The following FRZB variants were observed in gnomAD, a reference collection of about 807,000 sequenced individuals.
The protein encoded by FRZB is secreted frizzled-related protein 3.
In FRZB, 34 loss-of-function variants were observed where a neutral mutation model predicts 32.5. That is an observed-to-expected ratio of 1.05 (90% confidence interval 0.80 to 1.39). FRZB has a LOEUF of 1.39. Among genes scored for constraint, FRZB ranks in the 40% most tolerant of loss-of-function variants. FRZB has a pLI of 0.00. For synonymous variants in FRZB, 170 were observed against 159.2 expected (o/e 1.07, Z -0.51); for missense variants, 423 against 424.8 (o/e 1.00, Z 0.04).
intron 2 of FRZB, among the ~76,000 whole-genome samples, chr2:182,846,265 G>A (rs1211743848): frequency 1.3e-5 from 2 of 152,184 alleles, no homozygotes; most frequent in Non-Finnish European, 1.5e-5. Context: ...AAGCTTAAGT[G>A]TGATAAAACT....
rs201046936 is a variant in FRZB, at chr2:182,842,496, G to A, written c.574C>T (p.Arg192Trp). 79 of 1,612,342 alleles carry A rather than the reference G, an allele frequency of 4.9e-5. No homozygotes were observed. Among genetic ancestry groups the A allele is most frequent in the South Asian group, 1.2e-4 (11 of 90,974 alleles). ...TCCTTACCATAGTTGTAATTGTTCC[G>A]GAAATAGGTCTTCTGTGTAGCTCTA... ...PIRATQKTYFRNNYNYVIRAK... is the reference protein window; with the variant it reads ...PIRATQKTYFWNNYNYVIRAK... The change falls in exon 3 of 6, where the codon CGG becomes TGG. Residue 192 changes from arginine to tryptophan, a missense_variant. Coordinates refer to ENST00000295113, the MANE Select transcript of FRZB (RefSeq NM_001463.4).
In FRZB at chr2:182,846,768, G is replaced by A. The variant is rs552845495; in HGVS notation, c.527-4225C>T. 7.2e-4 allele frequency among the ~76,000 whole-genome samples: 110 copies of A among 152,164 alleles called. 1 individual carries two copies. The highest frequency in any genetic ancestry group is 2.2e-3 in the Admixed American group (33 of 15,284). ...GGTCCTTAACTATGACTTTTTTACT[G>A]AGCTCTAGATCTATATTTCCAACTG... On this transcript the variant is annotated intron_variant, in intron 2 of 5. Transcript: ENST00000295113.
chr2:182,837,800 G>A (rs1389769083), intron 5 of FRZB, 148 bp downstream of exon 5: 5 of 615,338 alleles, frequency 8.1e-6, no homozygotes, highest in Non-Finnish European at 1.1e-5. Context: ...GACAAATTCA[G>A]CTCTTGGAGT....
intron 1 of FRZB, among the ~76,000 whole-genome samples, chr2:182,864,137 A>G (rs547509018): frequency 4.4e-4 from 67 of 152,348 alleles, no homozygotes; most frequent in Admixed American, 2.0e-3. Context: ...CAATGAGGCA[A>G]CTGTTTCCAT....
At chr2:182,846,505 A>G (rs1054785378) in intron 2 of FRZB, among the ~76,000 whole-genome samples, 7 of 152,182 alleles carry the variant, frequency 4.6e-5, no homozygotes, top group Admixed American at 2.6e-4. Flanking sequence ...GGAGAGAAGA[A>G]AATACAATTG....
At chr2:182,863,022 G>A (rs1465998307) in intron 1 of FRZB, among the ~76,000 whole-genome samples, 2 of 152,034 alleles carry the variant, frequency 1.3e-5, no homozygotes, top group South Asian at 2.1e-4. Flanking sequence ...CACCCGCCTC[G>A]GCCTTCCAAA....
intron 2 of FRZB, among the ~76,000 whole-genome samples, chr2:182,848,801 G>T (rs1212009795): frequency 6.6e-6 from 1 of 152,190 alleles, no homozygotes. Flanking sequence ...TGCCAAAGCA[G>T]CCAGTCCCAA....
intron 2 of FRZB, among the ~76,000 whole-genome samples, chr2:182,855,357 T>C (rs1205949265): frequency 6.6e-6 from 1 of 152,174 alleles, no homozygotes; most frequent in Non-Finnish European, 1.5e-5. Flanking sequence ...CAGATGACTT[T>C]ACGGTAGCTA....
At chr2:182,843,760 C>T (rs971179794) in intron 2 of FRZB, among the ~76,000 whole-genome samples, 1 of 152,026 alleles carries the variant, frequency 6.6e-6, no homozygotes. Context: ...GGCAAAACCC[C>T]GTCTCTACAA....
intron 2 of FRZB, among the ~76,000 whole-genome samples, chr2:182,846,003 G>A (rs573478597): frequency 4.6e-5 from 7 of 152,304 alleles, no homozygotes; most frequent in Non-Finnish European, 8.8e-5. Context: ...CGCAGTGCCC[G>A]AGCAGTGAAC....
chr2:182,838,363 T>C (rs754475317), intron 4 of FRZB, 46 bp downstream of exon 4: 1 of 1,468,934 alleles, frequency 6.8e-7, no homozygotes, highest in African/African-American at 1.4e-5. Context: ...TTAATGAGAG[T>C]AGGATAAGCA....
chr2:182,853,208 C>T (rs1017550200), intron 2 of FRZB, among the ~76,000 whole-genome samples: 15 of 152,138 alleles, frequency 9.9e-5, no homozygotes, highest in Non-Finnish European at 1.9e-4. Flanking sequence ...TTTTAAAAGA[C>T]GAACAGTAAA....
rs1352352458 is a variant in FRZB at position 182,838,428 on chromosome 2, C to A, written c.778G>T (p.Glu260Ter). 2 of 1,612,014 alleles carry A rather than the reference C, an allele frequency of 1.2e-6. No homozygotes were observed. The highest frequency in any genetic ancestry group is 1.3e-5 in the African/African-American group (1 of 74,944). The change falls in exon 4 of 6, where the codon GAA becomes TAA. Residue 260 changes from glutamate to a stop codon, truncating the protein, a stop_gained. Transcript: ENST00000295113. LOFTEE classifies it high-confidence loss of function. The stretch of plus-strand genomic sequence containing the variant: ...AATTACCTGGAACGTTCCTCATCTT[C>A]ATAGCCCATGATGATATATTCCTCA... ...VNEEYIIMGY[E>*]DEERSRLLLV... is the part of the protein sequence containing the mutation.
intron 3 of FRZB, among the ~76,000 whole-genome samples, chr2:182,839,189 G>A (rs768665758): frequency 1.3e-5 from 2 of 151,828 alleles, no homozygotes; most frequent in Non-Finnish European, 2.9e-5. Context: ...CCTCATCTTG[G>A]CTCACTGTTC....
intron 2 of FRZB, among the ~76,000 whole-genome samples, chr2:182,842,922 G>T (rs1695601582): frequency 1.3e-5 from 2 of 152,136 alleles, no homozygotes; most frequent in Non-Finnish European, 2.9e-5. Flanking sequence ...TGCTCAGGTA[G>T]CTGGTTTGCC....
chr2:182,855,789 G>A (rs1695761572), intron 2 of FRZB, among the ~76,000 whole-genome samples: 1 of 151,964 alleles, frequency 6.6e-6, no homozygotes, highest in African/African-American at 2.4e-5. Flanking sequence ...GATTCAAGAA[G>A]CTCAGATAAC....
chr2:182,858,197 C>A (rs1695791533), intron 2 of FRZB, among the ~76,000 whole-genome samples: 1 of 152,164 alleles, frequency 6.6e-6, no homozygotes, highest in Admixed American at 6.5e-5. Context: ...AAAACCTGTA[C>A]TGGAATGTTT....
intron 5 of FRZB, among the ~76,000 whole-genome samples, chr2:182,836,212 T>G (rs1384758474): frequency 6.6e-6 from 1 of 151,916 alleles, no homozygotes; most frequent in Non-Finnish European, 1.5e-5. Flanking sequence ...CATAATAATG[T>G]TTCTTATAAA....
chr2:182,853,894 A>C (rs1559049959), intron 2 of FRZB, among the ~76,000 whole-genome samples: 1 of 152,222 alleles, frequency 6.6e-6, no homozygotes, highest in Non-Finnish European at 1.5e-5. Flanking sequence ...AGTCATTGTA[A>C]CAAAAACTGA....
Sources: gnomAD v4.1 joint callset for allele counts (sites outside exome capture counted in the v4.1 genomes callset) on GRCh38, gnomAD v4.1.1 for gene constraint, MANE v1.5 for transcripts, NCBI Gene and HGNC (gene_info 2026-07-23, HGNC 2026-07-21) for gene names.